The following TCAF1 variants were observed in gnomAD, a reference collection of about 807,000 sequenced individuals.
TCAF1 encodes TRPM8 channel associated factor 1, also known as TRPM8 channel-associated factor 1.
Under a neutral mutation model 27.3 loss-of-function variants are expected in TCAF1, and 4 were observed. That is an observed-to-expected ratio of 0.15 (90% CI 0.07 to 0.34). The LOEUF (loss-of-function observed/expected upper bound fraction) is 0.34, where lower values mean the gene tolerates loss of function less well. Among genes scored for constraint, TCAF1 ranks in the 10% least tolerant of loss-of-function variants. The pLI is 1.00. For synonymous variants in TCAF1, 105 were observed against 167.1 expected, an observed-to-expected ratio of 0.63 and a Z score of 2.87; for missense variants, 257 against 425.8, an observed-to-expected ratio of 0.60 and a Z score of 3.49.
chr7:143,888,520 C>A (rs1167121999), intron 1 of TCAF1, among the ~76,000 whole-genome samples: 1 of 152,206 alleles, frequency 6.6e-6, no homozygotes, highest in Non-Finnish European at 1.5e-5. Flanking sequence ...CTTGTCTTGA[C>A]CCTGCTGAAA....
chr7:143,900,704 G>C (rs1007928240), intron 1 of TCAF1, among the ~76,000 whole-genome samples: 5 of 152,136 alleles, frequency 3.3e-5, no homozygotes, highest in South Asian at 2.1e-4. Context: ...AAGCTGCTAG[G>C]TGTTGGGGTA....
At chr7:143,896,301 A>C (rs1813868299) in intron 1 of TCAF1, among the ~76,000 whole-genome samples, 1 of 152,110 alleles carries the variant, frequency 6.6e-6, no homozygotes, top group South Asian at 2.1e-4. Context: ...TAAAATGTTC[A>C]ATTTACAACA....
intron 1 of TCAF1, among the ~76,000 whole-genome samples, chr7:143,887,535 T>C (rs1388151254): frequency 6.6e-6 from 1 of 152,208 alleles, no homozygotes; most frequent in Admixed American, 6.5e-5. Flanking sequence ...AGACTATTAT[T>C]CAGTAATACC....
chr7:143,882,160 G>C (rs1207258513), intron 1 of TCAF1: 1 of 148,332 alleles, frequency 6.7e-6, no homozygotes, highest in African/African-American at 2.6e-5. Flanking sequence ...GGGGGCAGCC[G>C]GCAGGGAGGA....
intron 6 of TCAF1, among the ~76,000 whole-genome samples, chr7:143,859,994 A>AAT (rs1811884678): frequency 6.7e-5 from 1 of 14,976 alleles, no homozygotes; most frequent in Non-Finnish European, 2.2e-4. Flanking sequence ...TATAATATAT[A>AAT]TTATATAATA....
At chr7:143,880,892 T>C (rs1812977919) in intron 1 of TCAF1, among the ~76,000 whole-genome samples, 1 of 152,166 alleles carries the variant, frequency 6.6e-6, no homozygotes, top group Non-Finnish European at 1.5e-5. Flanking sequence ...CTCAAATGAA[T>C]AAAACCTGGG....
intron 6 of TCAF1, among the ~76,000 whole-genome samples, 178 bp downstream of exon 6, chr7:143,860,030 T>TATATATA (rs1229969899): frequency 2.8e-5 from 1 of 35,348 alleles, no homozygotes; most frequent in Non-Finnish European, 4.7e-5. Context: ...TTATATATTA[T>TATATATA]ATATATAATA....
intron 6 of TCAF1, 152 bp downstream of exon 6, chr7:143,860,056 A>ATATTATT (rs1811940669): frequency 1.1e-5 from 1 of 92,452 alleles, no homozygotes; most frequent in Non-Finnish European, 2.1e-5. Context: ...TATATATTAT[A>ATATTATT]TATATTTCCT....
chr7:143,889,754 A>C (rs1208515695), intron 1 of TCAF1, among the ~76,000 whole-genome samples: 1 of 152,192 alleles, frequency 6.6e-6, no homozygotes, highest in African/African-American at 2.4e-5. Flanking sequence ...GAATGATAAC[A>C]TTTGCTTATT....
chr7:143,897,922 A>T (rs1813961453), intron 1 of TCAF1, among the ~76,000 whole-genome samples: 1 of 152,132 alleles, frequency 6.6e-6, no homozygotes. Flanking sequence ...GTATAATTAC[A>T]TGCCAATCTT....
At chr7:143,901,511 G>C (rs1399812478) in intron 1 of TCAF1, among the ~76,000 whole-genome samples, 7 of 152,006 alleles carry the variant, frequency 4.6e-5, no homozygotes, top group Admixed American at 3.9e-4. Flanking sequence ...CGCTCTCACC[G>C]CCACCCCTCC....
chr7:143,876,593 C>G lies in TCAF1; in HGVS notation c.16G>C (p.Ala6Pro), dbSNP rs781242324. MATPS[A>P]AFEALMNGVT... is the part of the protein sequence containing the mutation. The stretch of plus-strand genomic sequence containing the variant: ...CCATTCATAAGGGCCTCGAAGGCAG[C>G]AGAGGGAGTCGCCATGGCTCTATTG... Residue 6 changes from alanine (A) to proline (P), a missense_variant, in exon 2 of 9, where the codon GCT becomes CCT. By Grantham distance (27) the Ala-to-Pro change is conservative. Transcript: ENST00000479870. The G allele has an allele frequency of 6.6e-7, 1 of 1,510,478 alleles. No individual in the cohort carries two copies. Among genetic ancestry groups the G allele is most frequent in the Non-Finnish European group, 8.8e-7 (1 of 1,132,514 alleles). The allele number at this position is 1,510,478 out of a possible 1,614,324, so 93.6% of individuals were successfully genotyped here. A position where few individuals can be genotyped will look rare whatever the true frequency, so the allele number is the denominator to read the frequency against.
chr7:143,897,625 T>C (rs1387203515), intron 1 of TCAF1, among the ~76,000 whole-genome samples: 1 of 152,142 alleles, frequency 6.6e-6, no homozygotes, highest in Non-Finnish European at 1.5e-5. Flanking sequence ...AACATATACA[T>C]GTACGTATAC....
rs749609598 is a variant in TCAF1 at position 143,901,952 on chromosome 7, G to C, written c.-15+9C>G. ...ACCCCGCCCACCGCTCCCCGCCCCG[G>C]ACACTAACCCGGGGCCCAGGCCTCG... On this transcript the variant is annotated intron_variant, in intron 1 of 8. Coordinates refer to ENST00000479870, the MANE Select transcript of TCAF1 (RefSeq NM_014719.3). 2.0e-5 allele frequency: 3 copies of C among 152,214 alleles called. No individual in the cohort carries two copies. Among genetic ancestry groups the C allele is most frequent in the African/African-American group, 7.2e-5 (3 of 41,422 alleles). 9.4% of individuals were successfully genotyped at this position (152,214 alleles called of 1,614,324 possible).
chr7:143,875,911 C>T, intron 2 of TCAF1, 78 bp downstream of exon 2: 7 of 1,362,780 alleles, frequency 5.1e-6, no homozygotes, highest in Non-Finnish European at 7.0e-6. Context: ...TTCTGTTAGC[C>T]TTGGAGCAAC....
At position 143,876,220 on chromosome 7, in the gene TCAF1, T is replaced by C. The variant is rs1466848136; in HGVS notation, c.389A>G (p.Tyr130Cys). 5 of 1,614,090 alleles carry C rather than the reference T, an allele frequency of 3.1e-6. No individual in the cohort carries two copies. The highest frequency in any genetic ancestry group is 4.2e-6 in the Non-Finnish European group (5 of 1,180,040). Reference sequence around the variant, plus strand: ...CAGCTTTTCTGTCATGGTTTCATTGTAGGCATCAATACAGTAAACCCCCAG... The same window carrying C: ...CAGCTTTTCTGTCATGGTTTCATTGCAGGCATCAATACAGTAAACCCCCAG... ...DSLGVYCIDA[Y>C]NETMTEKLVK... The change falls in exon 2 of 9, where the codon TAC becomes TGC. Residue 130 changes from tyrosine to cysteine, a missense_variant. This residue lies in a region of TCAF1 where 255 missense variants were observed against 260.1 expected (regional missense o/e 0.98). Transcript: ENST00000479870.
intron 1 of TCAF1, among the ~76,000 whole-genome samples, chr7:143,890,327 G>A (rs1813586268): frequency 6.6e-6 from 1 of 152,102 alleles, no homozygotes; most frequent in Non-Finnish European, 1.5e-5. Context: ...TATCTACATG[G>A]CTAAATTCCT....
At position 143,898,155 on chromosome 7, in the gene TCAF1, A is replaced by C. The variant is rs371156435; in HGVS notation, c.-15+3806T>G. Among the ~76,000 whole-genome samples the C allele has an allele frequency of 4.1e-4, 63 of 152,136 alleles. 1 individual carries two copies. The highest frequency in any genetic ancestry group is 3.7e-3 in the East Asian group (19 of 5,200). The stretch of plus-strand genomic sequence containing the variant: ...AGGAAAAGCATTTGAAAAAACATCC[A>C]TTTATAATAAAAGTGCTTACCAAAA... On this transcript the variant is annotated intron_variant, in intron 1 of 8. Coordinates refer to ENST00000479870, the MANE Select transcript of TCAF1 (RefSeq NM_014719.3).
chr7:143,888,273 T>C (rs546314698), intron 1 of TCAF1, among the ~76,000 whole-genome samples: 30 of 152,218 alleles, frequency 2.0e-4, no homozygotes, highest in East Asian at 9.6e-4. Context: ...GCAGGAAACA[T>C]TGAAGGAAGC....
Sources: gnomAD v4.1 joint callset for allele counts (sites outside exome capture counted in the v4.1 genomes callset) on GRCh38, gnomAD v4.1.1 for gene constraint, gnomAD v4.1.1 regional missense constraint, MANE v1.5 for transcripts, NCBI Gene and HGNC (gene_info 2026-07-23, HGNC 2026-07-21) for gene names.